Variants in ATRNL1 observed in about 807,000 individuals in gnomAD.
ATRNL1 encodes attractin like 1.
A neutral mutation model predicts 182.7 loss-of-function variants in ATRNL1; 95 were observed. The ratio of observed to expected loss-of-function variants is 0.52; its 90% confidence interval spans 0.44 to 0.62. The LOEUF is 0.62. Among genes scored for constraint, ATRNL1 ranks in the 20% least tolerant of loss-of-function variants. The pLI is 0.00. For synonymous variants in ATRNL1, 576 were observed against 568.3 expected (o/e 1.01, Z -0.19); for missense variants, 1,471 against 1,679.5 (o/e 0.88, Z 2.17).
At chr10:115,514,841 G>A (rs138580184) in intron 24 of ATRNL1, among the ~76,000 whole-genome samples, 2,091 of 151,956 alleles carry the variant, frequency 0.014, 125 homozygotes, top group Admixed American at 0.11. Context: ...CCCTAAAAAT[G>A]TGCCACTTGC....
At chr10:115,115,696 G>A (rs1186172733) in intron 1 of ATRNL1, among the ~76,000 whole-genome samples, 1 of 152,116 alleles carries the variant, frequency 6.6e-6, no homozygotes, top group East Asian at 1.9e-4. Flanking sequence ...CTTGTAGGCT[G>A]GTTATGCCAG....
intron 10 of ATRNL1, among the ~76,000 whole-genome samples, chr10:115,260,977 T>C (rs1851367638): frequency 6.6e-6 from 1 of 152,034 alleles, no homozygotes; most frequent in Admixed American, 6.6e-5. Flanking sequence ...AAAATATGTT[T>C]GGGATTGAAG....
At chr10:115,737,907 G>T (rs1205423903) in intron 27 of ATRNL1, among the ~76,000 whole-genome samples, 1 of 151,842 alleles carries the variant, frequency 6.6e-6, no homozygotes, top group Non-Finnish European at 1.5e-5. Context: ...CTTGATGCTG[G>T]TTCCTATGCA....
chr10:115,389,734 C>T (rs1168664961), intron 19 of ATRNL1, among the ~76,000 whole-genome samples: 4 of 151,096 alleles, frequency 2.6e-5, no homozygotes, highest in East Asian at 1.9e-4. Flanking sequence ...AGTTACTGGA[C>T]GATATGGTAA....
intron 27 of ATRNL1, among the ~76,000 whole-genome samples, chr10:115,728,111 T>TAAAA (rs782146867): frequency 4.5e-5 from 2 of 44,362 alleles, no homozygotes; most frequent in South Asian, 9.8e-4. Context: ...CCGTCTCTAC[T>TAAAA]AAAAAAAAAA....
At chr10:115,716,718 G>C (rs978388613) in intron 26 of ATRNL1, among the ~76,000 whole-genome samples, 1 of 152,134 alleles carries the variant, frequency 6.6e-6, no homozygotes, top group Non-Finnish European at 1.5e-5. Flanking sequence ...GCAGAAGTCA[G>C]TGTGTCATTT....
At chr10:115,399,872 G>T (rs115731996) in intron 20 of ATRNL1, among the ~76,000 whole-genome samples, 2 of 151,892 alleles carry the variant, frequency 1.3e-5, no homozygotes, top group African/African-American at 4.8e-5. Context: ...TTAGGACATA[G>T]GCATGGACAA....
intron 20 of ATRNL1, among the ~76,000 whole-genome samples, chr10:115,415,234 T>A (rs1845332719): frequency 6.6e-6 from 1 of 152,080 alleles, no homozygotes; most frequent in Admixed American, 6.6e-5. Flanking sequence ...TTTGCCAGTC[T>A]TGTGGAGAAT....
intron 28 of ATRNL1, among the ~76,000 whole-genome samples, chr10:115,882,240 C>T (rs1376007224): frequency 6.6e-6 from 1 of 152,174 alleles, no homozygotes; most frequent in Non-Finnish European, 1.5e-5. Context: ...AGCAAATAAG[C>T]ACATGCATTA....
At chr10:115,322,531 T>C (rs1416528929) in intron 18 of ATRNL1, among the ~76,000 whole-genome samples, 6 of 152,018 alleles carry the variant, frequency 3.9e-5, no homozygotes, top group African/African-American at 1.4e-4. Context: ...TATCAGGTAA[T>C]AGAAAAAAGG....
At chr10:115,789,855 A>C (rs1555081274) in intron 27 of ATRNL1, among the ~76,000 whole-genome samples, 1 of 152,200 alleles carries the variant, frequency 6.6e-6, no homozygotes, top group African/African-American at 2.4e-5. Flanking sequence ...ATGCTCCAGT[A>C]CAATTGAGGA....
At chr10:115,544,837 T>A (rs1852554870) in intron 25 of ATRNL1, among the ~76,000 whole-genome samples, 1 of 152,174 alleles carries the variant, frequency 6.6e-6, no homozygotes, top group African/African-American at 2.4e-5. Context: ...AGACGGAGAC[T>A]CTCTAGTAGT....
chr10:115,601,428 T>A (rs1381918189), intron 26 of ATRNL1, among the ~76,000 whole-genome samples: 2 of 152,176 alleles, frequency 1.3e-5, no homozygotes, highest in Non-Finnish European at 2.9e-5. Context: ...ATATTCCGGC[T>A]TATGTTCTGT....
chr10:115,129,611 T>G (rs1554874604), intron 5 of ATRNL1, 76 bp downstream of exon 5: 16 of 1,271,166 alleles, frequency 1.3e-5, no homozygotes, highest in Admixed American at 1.1e-4. Context: ...TCCACACGTT[T>G]GTTTCGTTAT....
intron 20 of ATRNL1, among the ~76,000 whole-genome samples, chr10:115,426,006 A>G (rs1845867512): frequency 6.6e-6 from 1 of 152,022 alleles, no homozygotes; most frequent in Non-Finnish European, 1.5e-5. Context: ...TTATATGCCT[A>G]TCATGTATGT....
At chr10:115,266,570 A>C (rs1851617308) in intron 11 of ATRNL1, among the ~76,000 whole-genome samples, 1 of 151,696 alleles carries the variant, frequency 6.6e-6, no homozygotes, top group African/African-American at 2.4e-5. Flanking sequence ...GATTTATAGA[A>C]TATTTCATAT....
At chr10:115,922,452 A>C (rs1341080494) in intron 28 of ATRNL1, among the ~76,000 whole-genome samples, 1 of 152,086 alleles carries the variant, frequency 6.6e-6, no homozygotes, top group Non-Finnish European at 1.5e-5. Flanking sequence ...CTAGCTAGCT[A>C]TTTATTTATT....
intron 8 of ATRNL1, among the ~76,000 whole-genome samples, chr10:115,205,014 T>A (rs1474582642): frequency 6.6e-6 from 1 of 152,070 alleles, no homozygotes; most frequent in African/African-American, 2.4e-5. Context: ...TTAGATCACA[T>A]AAAATAACTC....
chr10:115,746,376 A>G (rs1948291667), intron 27 of ATRNL1, among the ~76,000 whole-genome samples: 1 of 152,074 alleles, frequency 6.6e-6, no homozygotes, highest in Non-Finnish European at 1.5e-5. Context: ...AGTATTTACT[A>G]GGTATGATAT....
Sources: gnomAD v4.1 joint callset for allele counts (sites outside exome capture counted in the v4.1 genomes callset) on GRCh38, gnomAD v4.1.1 for gene constraint, MANE v1.5 for transcripts, NCBI Gene and HGNC (gene_info 2026-07-23, HGNC 2026-07-21) for gene names.